Variants in GATC observed in about 807,000 individuals in gnomAD.
The protein encoded by GATC is glutamyl-tRNA(Gln) amidotransferase subunit C, mitochondrial.
Under a neutral mutation model 14.4 loss-of-function variants are expected in GATC, and 11 were observed. The observed-to-expected ratio is 0.77, with a 90% CI of 0.48 to 1.27. The LOEUF is 1.27. Among genes scored for constraint, GATC ranks in the 50% most tolerant of loss-of-function variants. The pLI is 0.00. For synonymous variants in GATC, 76 were observed against 79.3 expected (o/e 0.96, Z 0.22); for missense variants, 204 against 183.0 (o/e 1.11, Z -0.66).
Position 120,446,524 on chromosome 12 carries a change from G to T in GATC, c.44G>T (p.Gly15Val). Residue 15 changes from glycine to valine, a missense_variant, in exon 1 of 4, where the codon GGC (glycine) becomes GTC (valine). Gly to Val is a moderately radical substitution (Grantham distance 109). Coordinates refer to ENST00000551765, the MANE Select transcript of GATC (RefSeq NM_176818.3). ...LVWLGLRAPL[G>V]GRQGFTSKAD... ...TGGCTGGGCCTTCGGGCCCCTCTGG[G>T]CGGGCGCCAGGGCTTCACCTCCAAG... 1 of 1,605,256 alleles carries T rather than the reference G, an allele frequency of 6.2e-7. No homozygotes were observed. The highest frequency in any genetic ancestry group is 8.5e-7 in the Non-Finnish European group (1 of 1,175,326).
chr12:120,459,325 T>A (rs562929888), intron 3 of GATC, among the ~76,000 whole-genome samples: 60 of 152,338 alleles, frequency 3.9e-4, no homozygotes, highest in African/African-American at 1.3e-3. Flanking sequence ...CTTTGCTTTT[T>A]GGGACCACCT....
At chr12:120,448,642 C>CTTTTTT (rs71451885) in intron 2 of GATC, among the ~76,000 whole-genome samples, 17 of 87,460 alleles carry the variant, frequency 1.9e-4, no homozygotes, top group African/African-American at 7.7e-4. Context: ...AAGTCCATTC[C>CTTTTTT]TTTTTTTTTT....
chr12:120,456,232 G>A (rs997180075), intron 2 of GATC, among the ~76,000 whole-genome samples: 2 of 152,184 alleles, frequency 1.3e-5, no homozygotes, highest in African/African-American at 4.8e-5. Flanking sequence ...TCATGCAAAT[G>A]TTCAAGCTCT....
chr12:120,459,779 C>G (rs1473952287), intron 3 of GATC, 128 bp from the exon 4 acceptor site: 1 of 563,704 alleles, frequency 1.8e-6, no homozygotes, highest in Non-Finnish European at 3.2e-6. Flanking sequence ...TGGCGTGAAC[C>G]CCAGGGGGCG....
chr12:120,456,299 C>T (rs1592986620), intron 2 of GATC, among the ~76,000 whole-genome samples: 1 of 152,192 alleles, frequency 6.6e-6, no homozygotes, highest in East Asian at 1.9e-4. Context: ...CTAGGTCCCA[C>T]AGAACACTGG....
Position 120,460,011 on chromosome 12 carries a change from C to A in GATC, c.*52C>A. ...CTGTGAACATGTGGAAGCATAATGA[C>A]AGTATTTTTTTACTGTGAATACTAA... On this transcript the variant is annotated 3_prime_UTR_variant, in exon 4 of 4. Transcript: ENST00000551765. The A allele has an allele frequency of 7.0e-7, 1 of 1,427,612 alleles. No individual in the cohort carries two copies. The highest frequency in any genetic ancestry group is 9.8e-7 in the Non-Finnish European group (1 of 1,020,194). The allele number at this position is 1,427,612 out of a possible 1,614,324, so 88.4% of individuals were successfully genotyped here.
At position 120,461,779 on chromosome 12, in the gene GATC, C is replaced by T. The variant is rs1178177417; in HGVS notation, c.*1820C>T. ...CACAAAGACAGAACTGATTTTTTTC[C>T]CATAATCAGGGGTGAAAAATATACA... is the stretch of plus-strand genomic sequence containing the variant. On this transcript the variant is annotated 3_prime_UTR_variant, in exon 4 of 4. Coordinates refer to ENST00000551765, the MANE Select transcript of GATC (RefSeq NM_176818.3). 1.1e-5 allele frequency: 4 copies of T among 356,748 alleles called. No homozygotes were observed. Among genetic ancestry groups the T allele is most frequent in the Admixed American group, 9.0e-5 (2 of 22,330 alleles). The allele number at this position is 356,748 out of a possible 1,614,324, so 22.1% of individuals were successfully genotyped here.
chr12:120,453,123 G>A (rs1163108356), intron 2 of GATC, among the ~76,000 whole-genome samples: 1 of 148,550 alleles, frequency 6.7e-6, no homozygotes, highest in African/African-American at 2.5e-5. Flanking sequence ...CTTCCAGCCA[G>A]ATAGCAGAAA....
In GATC at chr12:120,457,153, T is replaced by C. The variant is rs765836788; in HGVS notation, c.332T>C (p.Val111Ala). 6.2e-7 allele frequency: 1 copy of C among 1,613,936 alleles called. No individual in the cohort carries two copies. The highest frequency in any genetic ancestry group is 1.7e-5 in the Admixed American group (1 of 59,992). The change falls in exon 3 of 4, where the codon GTG becomes GCG. Residue 111 changes from valine to alanine, a missense_variant. Physicochemically the swap from Val to Ala is moderately conservative, Grantham distance 64. Coordinates refer to ENST00000551765, the MANE Select transcript of GATC (RefSeq NM_176818.3). Reference protein sequence around the residue: ...DELLQNSHRVVEEYFVAPPGN... With the variant: ...DELLQNSHRVAEEYFVAPPGN... ...TTACTACAAAACTCCCATCGCGTCG[T>C]GGAGGAGTACTTTGTGGCCCCCCCA...
intron 2 of GATC, among the ~76,000 whole-genome samples, chr12:120,448,204 G>A (rs1877930808): frequency 6.6e-6 from 1 of 151,478 alleles, no homozygotes; most frequent in South Asian, 2.1e-4. Flanking sequence ...CTATAGGTGT[G>A]CACCACCACA....
intron 2 of GATC, among the ~76,000 whole-genome samples, chr12:120,448,691 G>C (rs1439704159): frequency 7.5e-6 from 1 of 134,014 alleles, no homozygotes; most frequent in Non-Finnish European, 1.5e-5. Flanking sequence ...TTCCACCCAG[G>C]CTGGAGTACA....
chr12:120,462,245 T>C lies in GATC; in HGVS notation c.*2286T>C. ...TAAGCAAACCAACATCTAACAATAA[T>C]AGTTAAGTATTGAGCACTTACTGTG... On this transcript the variant is annotated 3_prime_UTR_variant, in exon 4 of 4. Transcript: ENST00000551765. 6.9e-7 allele frequency: 1 copy of C among 1,440,594 alleles called. No homozygotes were observed. Among genetic ancestry groups the C allele is most frequent in the Non-Finnish European group, 9.4e-7 (1 of 1,061,202 alleles). The allele number at this position is 1,440,594 out of a possible 1,614,324, so 89.2% of individuals were successfully genotyped here. A position where few individuals can be genotyped will look rare whatever the true frequency, so the allele number is the denominator to read the frequency against.
intron 3 of GATC, among the ~76,000 whole-genome samples, chr12:120,457,504 G>A (rs978524735): frequency 2.6e-5 from 4 of 151,606 alleles, no homozygotes; most frequent in Non-Finnish European, 5.9e-5. Flanking sequence ...TCCTGTAATC[G>A]ACTCCAACTT....
At chr12:120,448,082 A>C (rs1353347037) in intron 2 of GATC, among the ~76,000 whole-genome samples, 1 of 151,970 alleles carries the variant, frequency 6.6e-6, no homozygotes, top group Non-Finnish European at 1.5e-5. Context: ...TGTCTTCTCT[A>C]CTTTGCAATT....
chr12:120,461,803 C>T lies in GATC; in HGVS notation c.*1844C>T, dbSNP rs1236126308. 3.2e-5 allele frequency: 14 copies of T among 438,010 alleles called. No individual in the cohort carries two copies. The highest frequency in any genetic ancestry group is 8.4e-5 in the Admixed American group (2 of 23,936). The allele number at this position is 438,010 out of a possible 1,614,324, so 27.1% of individuals were successfully genotyped here. ...CCCATAATCAGGGGTGAAAAATATA[C>T]AACTTGTTTCTGAACCAAAACCACA... is the stretch of plus-strand genomic sequence containing the variant. On this transcript the variant is annotated 3_prime_UTR_variant, in exon 4 of 4. Transcript: ENST00000551765.
Position 120,462,294 on chromosome 12 carries a change from A to G in GATC, c.*2335A>G. ...TGTACTCTGTGCCTGGCATGAGGCTATCTCATTAAACCTTCATAACATTAT... is the reference window on the plus strand; with the variant it reads ...TGTACTCTGTGCCTGGCATGAGGCTGTCTCATTAAACCTTCATAACATTAT... On this transcript the variant is annotated 3_prime_UTR_variant, in exon 4 of 4. Coordinates refer to ENST00000551765, the MANE Select transcript of GATC (RefSeq NM_176818.3). The G allele has an allele frequency of 1.1e-6, 1 of 931,296 alleles. No homozygotes were observed. The highest frequency in any genetic ancestry group is 1.6e-6 in the Non-Finnish European group (1 of 636,678). The allele number at this position is 931,296 out of a possible 1,614,324, so 57.7% of individuals were successfully genotyped here.
At position 120,462,688 on chromosome 12, in the gene GATC, G is replaced by A. The variant is rs1380311874; in HGVS notation, c.*2729G>A. 1 of 152,234 alleles carries A rather than the reference G, an allele frequency of 6.6e-6. No homozygotes were observed. The highest frequency in any genetic ancestry group is 2.4e-5 in the African/African-American group (1 of 41,438). 9.4% of individuals were successfully genotyped at this position (152,234 alleles called of 1,614,324 possible). On this transcript the variant is annotated 3_prime_UTR_variant, in exon 4 of 4. Transcript: ENST00000551765. ...GATGGTGCTATTATGTGACCATTTT[G>A]CCCATGAAGGAATCGAGGTCCCAAG...
chr12:120,455,100 C>A, intron 2 of GATC: 1 of 321,300 alleles, frequency 3.1e-6, no homozygotes. Context: ...ATTGGATGGT[C>A]TCGAACTCCT....
chr12:120,448,308 C>G (rs1565912389), intron 2 of GATC, among the ~76,000 whole-genome samples: 1 of 149,180 alleles, frequency 6.7e-6, no homozygotes, highest in Non-Finnish European at 1.5e-5. Context: ...CCTCCTGCCT[C>G]AGCCTCCCAC....
Sources: gnomAD v4.1 joint callset for allele counts (sites outside exome capture counted in the v4.1 genomes callset) on GRCh38, gnomAD v4.1.1 for gene constraint, MANE v1.5 for transcripts, NCBI Gene and HGNC (gene_info 2026-07-23, HGNC 2026-07-21) for gene names.